PKD1L3: variants seen among roughly 807,000 people sequenced by gnomAD.
PKD1L3 encodes the protein polycystin 1 like 3, transient receptor potential channel interacting.
PKD1L3 carries 239 observed loss-of-function variants against 184.1 expected under a neutral mutation model. The observed-to-expected ratio is 1.30, with a 90% CI of 1.17 to 1.45. PKD1L3 has a LOEUF of 1.45. Among genes scored for constraint, PKD1L3 ranks in the 40% most tolerant of loss-of-function variants. The probability of loss-of-function intolerance (pLI) is 0.00; values close to 1 mark genes in which losing one functional copy is unlikely to be tolerated. For missense variants in PKD1L3, 2,660 were observed against 2,067.2 expected (o/e 1.29, Z -5.56); for synonymous variants, 996 against 778.8 (o/e 1.28, Z -4.64).
At chr16:71,975,741 TA>T (rs111911951) in intron 11 of PKD1L3, among the ~76,000 whole-genome samples, 19 of 151,486 alleles carry the variant, frequency 1.3e-4, no homozygotes, top group East Asian at 1.9e-4. Context: ...AATCCATCTT[TA>T]AAAAAAAATG....
At chr16:71,979,722 C>A in intron 9 of PKD1L3, 64 bp downstream of exon 9, 1 of 1,450,116 alleles carries the variant, frequency 6.9e-7, no homozygotes, top group Non-Finnish European at 9.1e-7. Context: ...ATTACTTTCA[C>A]CCAAATGCCT....
intron 11 of PKD1L3, among the ~76,000 whole-genome samples, chr16:71,976,994 C>T (rs1277310265): frequency 5.9e-5 from 9 of 152,212 alleles, no homozygotes; most frequent in African/African-American, 1.4e-4. Context: ...CTGCCCGCCT[C>T]GGCCTCCCAA....
chr16:71,970,034 G>T lies in PKD1L3; in HGVS notation c.2025C>A (p.Phe675Leu). Residue 675 changes from phenylalanine to leucine, a missense_variant, in exon 13 of 30, where the codon TTC becomes TTA. Physicochemically the swap from Phe to Leu is conservative, Grantham distance 22. Transcript: ENST00000620267. ...CATTCACGGTCCTGGGCACGACAAAGAAGTCGCTGGCAAAGAAGGTCAGGT... is the reference window on the plus strand; with the variant it reads ...CATTCACGGTCCTGGGCACGACAAATAAGTCGCTGGCAAAGAAGGTCAGGT... ...CNHLTFFASDFFVVPRTVNVE... is the reference protein window; with the variant it reads ...CNHLTFFASDLFVVPRTVNVE... 1.3e-6 allele frequency: 2 copies of T among 1,551,682 alleles called. No individual in the cohort carries two copies. Among genetic ancestry groups the T allele is most frequent in the Non-Finnish European group, 1.7e-6 (2 of 1,146,996 alleles).
At chr16:71,944,586 G>A (rs1318607914) in intron 22 of PKD1L3, among the ~76,000 whole-genome samples, 1 of 152,150 alleles carries the variant, frequency 6.6e-6, no homozygotes, top group African/African-American at 2.4e-5. Flanking sequence ...GGGAGACTGA[G>A]GTGAGAGGAC....
intron 5 of PKD1L3, 72 bp downstream of exon 5, chr16:71,986,149 G>C: frequency 6.6e-7 from 1 of 1,503,860 alleles, no homozygotes; most frequent in South Asian, 1.3e-5. Context: ...GTTCTGCAGG[G>C]AGGCAAATGG....
intron 22 of PKD1L3, among the ~76,000 whole-genome samples, chr16:71,944,596 C>A (rs1317420303): frequency 1.3e-5 from 2 of 152,024 alleles, no homozygotes; most frequent in Non-Finnish European, 2.9e-5. Context: ...GGTGAGAGGA[C>A]TGATTAAGCC....
chr16:71,945,266 CTATATATATATATATATATATA>C (rs60469321), intron 22 of PKD1L3, among the ~76,000 whole-genome samples: 20 of 63,948 alleles, frequency 3.1e-4, no homozygotes, highest in African/African-American at 5.8e-4. Flanking sequence ...AATTTCTTAA[CTATATATATATATATATATATA>C]TATATATATA....
At chr16:71,987,951 G>A (rs2040438539) in intron 4 of PKD1L3, among the ~76,000 whole-genome samples, 1 of 152,194 alleles carries the variant, frequency 6.6e-6, no homozygotes, top group African/African-American at 2.4e-5. Context: ...GATGGTGGCA[G>A]GAGGGGGATT....
At chr16:71,984,265 T>G in intron 5 of PKD1L3, 98 bp from the exon 6 acceptor site, 1 of 1,254,622 alleles carries the variant, frequency 8.0e-7, no homozygotes, top group Non-Finnish European at 1.1e-6. Context: ...CTTGGGTAAC[T>G]TTATAAACCC....
At chr16:71,971,300 A>G (rs1266830987) in intron 12 of PKD1L3, among the ~76,000 whole-genome samples, 1 of 152,234 alleles carries the variant, frequency 6.6e-6, no homozygotes, top group Non-Finnish European at 1.5e-5. Flanking sequence ...ATGGCTTTCC[A>G]TATGTTGGAA....
In PKD1L3 at chr16:71,967,947, C is replaced by A. The variant is rs1041303982; in HGVS notation, c.2245G>T (p.Val749Phe). 1.5e-5 allele frequency: 24 copies of A among 1,551,396 alleles called. No individual in the cohort carries two copies. The highest frequency in any genetic ancestry group is 1.7e-4 in the Middle Eastern group (1 of 6,014). Residue 749 changes from valine (V) to phenylalanine (F), a missense_variant, in exon 14 of 30, where the codon GTC (valine) becomes TTC (phenylalanine). Val to Phe is a conservative substitution (Grantham distance 50). Transcript: ENST00000620267. The part of the protein sequence containing the change: ...PSAQFHYLIQ[V>F]YTGYRRSAAT... Reference sequence around the variant, plus strand: ...GCGCTTCTTCGATATCCGGTGTAGACCTGAATAAGGTAGTGAAATTGAGCG... The same window carrying A: ...GCGCTTCTTCGATATCCGGTGTAGAACTGAATAAGGTAGTGAAATTGAGCG...
chr16:71,954,240 C>T lies in PKD1L3; in HGVS notation c.2674G>A (p.Ala892Thr). ...FTQDYLWLSI[A>T]TRHPWNQFTR... ...AACTGGTTCCAGGGATGCCGAGTTG[C>T]AATTGAAAGCCACAGATAATCCTGG... The change falls in exon 17 of 30, where the codon GCA becomes ACA. Residue 892 changes from alanine (A) to threonine (T), a missense_variant. Ala to Thr is a moderately conservative substitution (Grantham distance 58, BLOSUM62 0). Transcript: ENST00000620267. The T allele has an allele frequency of 6.5e-7, 1 of 1,550,218 alleles. No individual in the cohort carries two copies. Among genetic ancestry groups the T allele is most frequent in the Non-Finnish European group, 8.7e-7 (1 of 1,146,298 alleles).
chr16:71,992,010 A>G (rs2040608263), intron 3 of PKD1L3, among the ~76,000 whole-genome samples: 1 of 152,130 alleles, frequency 6.6e-6, no homozygotes, highest in African/African-American at 2.4e-5. Flanking sequence ...TTGTAGAGAC[A>G]GAGACCCAGT....
At chr16:71,968,452 C>T (rs1274597404) in intron 13 of PKD1L3, among the ~76,000 whole-genome samples, 1 of 152,152 alleles carries the variant, frequency 6.6e-6, no homozygotes, top group Admixed American at 6.6e-5. Flanking sequence ...ACCCTACACC[C>T]AGGGCAACAA....
chr16:71,954,058 A>G, intron 17 of PKD1L3, 47 bp downstream of exon 17: 2 of 1,404,918 alleles, frequency 1.4e-6, no homozygotes, highest in South Asian at 3.1e-5. Flanking sequence ...TCAAAAAAAA[A>G]AAAGGATTGC....
chr16:71,969,769 C>T (rs1172198784), intron 13 of PKD1L3, 106 bp downstream of exon 13: 1 of 986,792 alleles, frequency 1.0e-6, no homozygotes, highest in East Asian at 2.7e-5. Context: ...TTCTATGCCT[C>T]CCAGTACCAG....
intron 5 of PKD1L3, among the ~76,000 whole-genome samples, chr16:71,985,572 C>G (rs969727463): frequency 6.6e-6 from 1 of 152,000 alleles, no homozygotes; most frequent in African/African-American, 2.4e-5. Flanking sequence ...GCTGGGACTA[C>G]AGGCACATGC....
In PKD1L3 at chr16:71,930,054, T is replaced by C. The variant is rs768176469; in HGVS notation, c.5056A>G (p.Lys1686Glu). ...MAFGKERKSLKKEAALIDTLL... is the reference protein window; with the variant it reads ...MAFGKERKSLEKEAALIDTLL... The stretch of plus-strand genomic sequence containing the variant: ...TAGTTTATCTTTTAGTTACCTACCT[T>C]AAGCGACTTTCTTTCTTTTCCAAAG... Residue 1686 changes from lysine to glutamate, a missense_variant and splice_region_variant, in exon 29 of 30, where the codon AAG becomes GAG. Physicochemically the swap from Lys to Glu is moderately conservative, Grantham distance 56. Transcript: ENST00000620267. 10 of 1,548,782 alleles carry C rather than the reference T, an allele frequency of 6.5e-6. No homozygotes were observed. In the South Asian group the frequency reaches 1.1e-4, roughly 17 times the overall value.
intron 23 of PKD1L3, among the ~76,000 whole-genome samples, chr16:71,943,291 C>T (rs1168110998): frequency 1.3e-5 from 2 of 152,048 alleles, no homozygotes; most frequent in African/African-American, 4.8e-5. Context: ...AATCCTAGCA[C>T]TTTGGGAAGC....
Sources: gnomAD v4.1 joint callset for allele counts (sites outside exome capture counted in the v4.1 genomes callset) on GRCh38, gnomAD v4.1.1 for gene constraint, MANE v1.5 for transcripts, NCBI Gene and HGNC (gene_info 2026-07-23, HGNC 2026-07-21) for gene names.